Variants in PSMD6 observed in about 807,000 individuals in gnomAD.
PSMD6 encodes the protein proteasome 26S subunit, non-ATPase 6.
Under a neutral mutation model 44.9 loss-of-function variants are expected in PSMD6, and 7 were observed. The observed-to-expected ratio is 0.16, with a 90% CI of 0.09 to 0.29. The LOEUF (loss-of-function observed/expected upper bound fraction) is 0.29. Among genes scored for constraint, PSMD6 ranks in the 10% least tolerant of loss-of-function variants. The pLI is 1.00. For missense variants in PSMD6, 420 were observed against 482.6 expected (o/e 0.87, Z 1.21); for synonymous variants, 184 against 172.7 (o/e 1.07, Z -0.51).
At chr3:64,017,684 A>G (rs984849925) in intron 5 of PSMD6, 1 of 152,234 alleles carries the variant, frequency 6.6e-6, no homozygotes, top group African/African-American at 2.4e-5. Flanking sequence ...AATTCTCATA[A>G]AGCAGCCCAA....
In PSMD6 at chr3:64,019,353, A is replaced by G. The variant is rs144135645; in HGVS notation, c.440T>C (p.Ile147Thr). 2.0e-5 allele frequency: 32 copies of G among 1,601,102 alleles called. No individual in the cohort carries two copies. The highest frequency in any genetic ancestry group is 1.7e-4 in the Admixed American group (10 of 59,980). ...ATCATTATCCATATAAAATAAGCCA[A>G]TCCTAAGGAGATAGAATACAATATC... ...RLDIVFYLLRIGLFYMDNDLI... is the reference protein window; with the variant it reads ...RLDIVFYLLRTGLFYMDNDLI... Residue 147 changes from isoleucine to threonine, a missense_variant, in exon 3 of 8, where the codon ATT becomes ACT. Transcript: ENST00000295901.
At chr3:64,019,081 G>A in intron 3 of PSMD6, 44 bp from the exon 4 acceptor site, 1 of 1,517,434 alleles carries the variant, frequency 6.6e-7, no homozygotes, top group Non-Finnish European at 9.0e-7. Context: ...AAACAGACAA[G>A]GCCACGTTTT....
At position 64,018,636 on chromosome 3, in the gene PSMD6, G is replaced by A. The variant is rs762113251; in HGVS notation, c.789C>T (p.Leu263=). The stretch of plus-strand genomic sequence containing the variant: ...AGAAAACAGAGTAACGGCATTCATA[G>A]AGTGAAAACAGATACTGCCGAACTG... ...LPAVRQYLFS[L]YECRYSVFFQ... Residue 263 remains leucine (L), a synonymous_variant, in exon 5 of 8, where the codon CTC becomes CTT. Coordinates refer to ENST00000295901, the MANE Select transcript of PSMD6 (RefSeq NM_014814.3). 35 of 1,597,034 alleles carry A rather than the reference G, an allele frequency of 2.2e-5. No individual in the cohort carries two copies. Among genetic ancestry groups the A allele is most frequent in the Non-Finnish European group, 3.0e-5 (35 of 1,164,620 alleles).
chr3:64,018,886 T>C lies in PSMD6; in HGVS notation c.649A>G (p.Lys217Glu). 1 of 1,599,534 alleles carries C rather than the reference T, an allele frequency of 6.3e-7. No homozygotes were observed. The highest frequency in any genetic ancestry group is 8.6e-7 in the Non-Finnish European group (1 of 1,166,750). Reference protein sequence around the residue: ...TFTSYELMDYKTFVTYTVYVS... With the variant: ...TFTSYELMDYETFVTYTVYVS... ...TAGACAGTATAAGTCACAAATGTTT[T>C]ATAATCCATGAGTTCATAGGATGTA... The change falls in exon 4 of 8, where the codon AAA (lysine) becomes GAA (glutamate). Residue 217 changes from lysine (K) to glutamate (E), a missense_variant. Coordinates refer to ENST00000295901, the MANE Select transcript of PSMD6 (RefSeq NM_014814.3).
intron 6 of PSMD6, chr3:64,012,290 C>CCAT (rs944713950): frequency 6.6e-6 from 1 of 151,920 alleles, no homozygotes; most frequent in African/African-American, 2.4e-5. Context: ...ATTGAAAACA[C>CCAT]CATCATCAAC....
Position 64,023,370 on chromosome 3 carries a change from A to C in PSMD6, c.50T>G (p.Leu17Trp). 2 of 1,612,420 alleles carry C rather than the reference A, an allele frequency of 1.2e-6. No individual in the cohort carries two copies. The highest frequency in any genetic ancestry group is 1.7e-6 in the Non-Finnish European group (2 of 1,179,114). The change falls in exon 1 of 8, where the codon TTG (leucine) becomes TGG (tryptophan). Residue 17 changes from leucine to tryptophan, a missense_variant. Around this residue, in one of 4 missense-constraint regions of PSMD6, gnomAD observed 136 missense variants for 124.2 expected, o/e 1.09. Coordinates refer to ENST00000295901, the MANE Select transcript of PSMD6 (RefSeq NM_014814.3). ...CAGGAAGCGCAGCTGCGCGATACGC[A>C]AGTCGGGGTTCTTGGGCAGACCCTC... ...EEEGLPKNPDLRIAQLRFLLS... is the reference protein window; with the variant it reads ...EEEGLPKNPDWRIAQLRFLLS...
At chr3:64,019,700 G>C (rs999772738) in intron 2 of PSMD6, 4 of 389,230 alleles carry the variant, frequency 1.0e-5, no homozygotes, top group African/African-American at 2.1e-5. Context: ...AACAATTTAA[G>C]AAAAATATAT....
At chr3:64,022,242 T>C in intron 2 of PSMD6, 76 bp downstream of exon 2, 5 of 1,485,296 alleles carry the variant, frequency 3.4e-6, no homozygotes, top group Non-Finnish European at 4.6e-6. Flanking sequence ...ATTTTTTTAA[T>C]GAGAAACGAT....
At chr3:64,011,962 A>T (rs1173271383) in intron 6 of PSMD6, 1 of 152,248 alleles carries the variant, frequency 6.6e-6, no homozygotes, top group Non-Finnish European at 1.5e-5. Context: ...CAGCCCTCTT[A>T]AGAGTGGTCA....
intron 5 of PSMD6, chr3:64,017,325 G>A (rs2076061580): frequency 6.6e-6 from 1 of 152,120 alleles, no homozygotes; most frequent in African/African-American, 2.4e-5. Context: ...AAAGGAGGGG[G>A]CATACAATAA....
intron 5 of PSMD6, chr3:64,015,315 T>TTA (rs998721729): frequency 1.9e-4 from 29 of 152,334 alleles, no homozygotes; most frequent in African/African-American, 6.7e-4. Context: ...GTTCAATTTT[T>TTA]TAGACTTTTT....
In PSMD6 at chr3:64,019,302, G is replaced by A. The variant is rs184309351; in HGVS notation, c.491C>T (p.Ala164Val). ...TCCCACCCTTAGAAAGTACCTTTTG[G>A]CCTTTTCTGTGTTTCGTGTGATGAG... ...NDLITRNTEK[A>V]KSLIEEGGDW... The change falls in exon 3 of 8, where the codon GCC becomes GTC. Residue 164 changes from alanine to valine, a missense_variant. Coordinates refer to ENST00000295901, the MANE Select transcript of PSMD6 (RefSeq NM_014814.3). The A allele has an allele frequency of 3.8e-6, 6 of 1,577,664 alleles. No individual in the cohort carries two copies. In the East Asian group the frequency reaches 1.1e-4, roughly 29 times the overall value.
chr3:64,020,512 GT>G (rs1241822889), intron 2 of PSMD6, among the ~76,000 whole-genome samples: 4 of 152,054 alleles, frequency 2.6e-5, no homozygotes, highest in African/African-American at 9.7e-5. Flanking sequence ...TAATATATTA[GT>G]CTTTAAAACC....
At chr3:64,015,625 G>C (rs973371525) in intron 5 of PSMD6, 2 of 152,086 alleles carry the variant, frequency 1.3e-5, no homozygotes, top group Non-Finnish European at 2.9e-5. Flanking sequence ...CACGTTACTT[G>C]TGAAGAGAAA....
chr3:64,023,111 A>T, intron 1 of PSMD6, 164 bp downstream of exon 1: 1 of 1,425,780 alleles, frequency 7.0e-7, no homozygotes, highest in South Asian at 1.5e-5. Context: ...CCCCCAGGGT[A>T]TCCCCAAACC....
chr3:64,018,741 AT>A lies in PSMD6; in HGVS notation c.718-35del, dbSNP rs781702663. ...TTTAAAAAACATATATACAAAAAAA[AT>A]GTACATTTTAATGATTTGTGTATTT... is the stretch of plus-strand genomic sequence containing the variant. On this transcript the variant is annotated intron_variant, in intron 4 of 7. Transcript: ENST00000295901. 4.7e-4 allele frequency: 707 copies of A among 1,520,388 alleles called. 1 individual carries two copies. Among genetic ancestry groups the A allele is most frequent in the Non-Finnish European group, 6.1e-4 (674 of 1,109,832 alleles). 94.2% of individuals were successfully genotyped at this position (1,520,388 alleles called of 1,614,324 possible). A position where few individuals can be genotyped will look rare whatever the true frequency, so the allele number is the denominator to read the frequency against.
chr3:64,017,957 A>G (rs2076073121), intron 5 of PSMD6, among the ~76,000 whole-genome samples: 1 of 152,226 alleles, frequency 6.6e-6, no homozygotes, highest in African/African-American at 2.4e-5. Context: ...CCAAATAGCC[A>G]GGAAAGAATG....
chr3:64,017,538 A>G (rs1419559772), intron 5 of PSMD6: 1 of 152,364 alleles, frequency 6.6e-6, no homozygotes, highest in East Asian at 1.9e-4. Flanking sequence ...AAAAAAGGGA[A>G]AAGAGCAATT....
intron 2 of PSMD6, among the ~76,000 whole-genome samples, chr3:64,021,960 G>C (rs950176498): frequency 1.3e-5 from 2 of 152,134 alleles, no homozygotes; most frequent in African/African-American, 4.8e-5. Context: ...AGTATTACTC[G>C]TGTAAAGTAC....
Sources: allele counts gnomAD v4.1 joint callset (sites outside exome capture counted in the v4.1 genomes callset), GRCh38; gene constraint gnomAD v4.1.1; regional missense constraint gnomAD v4.1.1; transcripts MANE v1.5; gene names NCBI Gene and HGNC (gene_info 2026-07-23, HGNC 2026-07-21).